METTL4: variants seen among roughly 807,000 people sequenced by gnomAD.
METTL4 encodes the protein methyltransferase 4, N6-adenosine, also known as N(6)-adenine-specific methyltransferase METTL4.
In METTL4, 40 loss-of-function variants were observed where a neutral mutation model predicts 54.0. The ratio of observed to expected loss-of-function variants is 0.74; its 90% CI spans 0.58 to 0.96. The LOEUF (loss-of-function observed/expected upper bound fraction) is 0.96. METTL4 is among the 50% of genes least tolerant of loss of function. METTL4 has a pLI of 0.00. For missense variants in METTL4, 525 were observed against 549.0 expected, an observed-to-expected ratio of 0.96 and a Z score of 0.44; for synonymous variants, 169 against 183.8, an observed-to-expected ratio of 0.92 and a Z score of 0.65.
Position 2,554,908 on chromosome 18 carries a change from C to G in METTL4, c.590G>C (p.Ser197Thr). 1 of 1,614,064 alleles carries G rather than the reference C, an allele frequency of 6.2e-7. No individual in the cohort carries two copies. Among genetic ancestry groups the G allele is most frequent in the Non-Finnish European group, 8.5e-7 (1 of 1,179,946 alleles). ...TGCCATTTCACATAATTCTGACAAA[C>G]TGCAGGCGTCAAGTGGTAAAGTAAT... Reference protein sequence around the residue: ...KPITLPLDACSLSELCEMAKH... With the variant: ...KPITLPLDACTLSELCEMAKH... Residue 197 changes from serine to threonine, a missense_variant, in exon 4 of 9, where the codon AGT (serine) becomes ACT (threonine). Ser to Thr is a moderately conservative substitution (Grantham distance 58, BLOSUM62 1). Coordinates refer to ENST00000574538, the MANE Select transcript of METTL4 (RefSeq NM_022840.5).
At chr18:2,569,503 C>T (rs767416228) in intron 1 of METTL4, among the ~76,000 whole-genome samples, 1 of 151,940 alleles carries the variant, frequency 6.6e-6, no homozygotes, top group Non-Finnish European at 1.5e-5. Flanking sequence ...CCCACCCCCA[C>T]CCACTGCAAC....
chr18:2,556,332 C>T (rs2072238526), intron 3 of METTL4, among the ~76,000 whole-genome samples: 1 of 151,954 alleles, frequency 6.6e-6, no homozygotes, highest in Admixed American at 6.6e-5. Flanking sequence ...AGACCAAAGT[C>T]TGCTCTGATC....
rs540429659 is a variant in METTL4, at chr18:2,550,820, C to T, written c.899+1875G>A. On this transcript the variant is annotated intron_variant, in intron 5 of 8. Coordinates refer to ENST00000574538, the MANE Select transcript of METTL4 (RefSeq NM_022840.5). The stretch of plus-strand genomic sequence containing the variant: ...TTTGCTACAAAGGACATTCCTGGGA[C>T]AATCAGTGTAGCCTGAATAATGTCT... Among the ~76,000 whole-genome samples, 3 of 152,278 alleles carry T rather than the reference C, an allele frequency of 2.0e-5. No individual in the cohort carries two copies. In the South Asian group the frequency reaches 6.2e-4, roughly 32 times the overall value.
Position 2,539,752 on chromosome 18 carries a change from G to A in METTL4, c.1274-607C>T, listed in dbSNP as rs896724308. 5.1e-5 allele frequency: 43 copies of A among 835,128 alleles called. 1 individual carries two copies. In the Admixed American group the frequency reaches 2.3e-3, roughly 45 times the overall value. The allele number at this position is 835,128 out of a possible 1,614,324, so 51.7% of individuals were successfully genotyped here. ...TCGCCTCGGCCTCCCAAAGTGCTAG[G>A]ATTACAGGCAGGAGCCACCGCACCC... On this transcript the variant is annotated intron_variant, in intron 8 of 8. Transcript: ENST00000574538.
At chr18:2,545,746 T>A (rs892757270) in intron 6 of METTL4, among the ~76,000 whole-genome samples, 1 of 152,052 alleles carries the variant, frequency 6.6e-6, no homozygotes, top group Non-Finnish European at 1.5e-5. Flanking sequence ...ACACAGCATA[T>A]CCTACAAAAA....
chr18:2,563,620 A>AG (rs60810009), intron 3 of METTL4, among the ~76,000 whole-genome samples, 177 bp downstream of exon 3: 2 of 150,922 alleles, frequency 1.3e-5, no homozygotes, highest in East Asian at 3.9e-4. Context: ...AAAAAAAAAA[A>AG]GACAAAACTG....
At chr18:2,557,361 A>G (rs1405228552) in intron 3 of METTL4, among the ~76,000 whole-genome samples, 1 of 152,244 alleles carries the variant, frequency 6.6e-6, no homozygotes, top group East Asian at 1.9e-4. Flanking sequence ...GGCCAAGAAT[A>G]GTGCCTGTTT....
intron 8 of METTL4, chr18:2,539,835 TGAAAAA>T (rs2071968359): frequency 1.1e-6 from 1 of 870,648 alleles, no homozygotes; most frequent in Non-Finnish European, 1.3e-6. Flanking sequence ...TAAAAAAAAT[TGAAAAA>T]CAACCCATTT....
chr18:2,567,106 CT>C lies in METTL4; in HGVS notation c.110del (p.Lys37ArgfsTer64), dbSNP rs768570653. On this transcript the variant is annotated frameshift_variant, in exon 2 of 9. Coordinates refer to ENST00000574538, the MANE Select transcript of METTL4 (RefSeq NM_022840.5). LOFTEE classifies it high-confidence loss of function. ...HQHHEPCCRK[K>X]EFTTSVHFES... ...CAAAGTGAACAGAAGTAGTGAACTC[CT>C]TTTTACGGCAACAAGGTTCATGATG... The C allele has an allele frequency of 6.2e-7, 1 of 1,614,152 alleles. No homozygotes were observed.
Position 2,555,091 on chromosome 18 carries a change from T to C in METTL4, c.460-53A>G, listed in dbSNP as rs977477321. Reference sequence around the variant, plus strand: ...AGAACGTTGACATTAAAAAAGAACATTGACTGTGCTTTGAATATCTGAGTT... The same window carrying C: ...AGAACGTTGACATTAAAAAAGAACACTGACTGTGCTTTGAATATCTGAGTT... On this transcript the variant is annotated intron_variant, in intron 3 of 8. Transcript: ENST00000574538. The C allele has an allele frequency of 4.6e-6, 7 of 1,523,500 alleles. No individual in the cohort carries two copies. The South Asian group carries it at 4.7e-5, about 10-fold the overall frequency. 94.4% of individuals were successfully genotyped at this position (1,523,500 alleles called of 1,614,324 possible). A position where few individuals can be genotyped will look rare whatever the true frequency, so the allele number is the denominator to read the frequency against.
At chr18:2,555,339 G>A in intron 3 of METTL4, 1 of 326,508 alleles carries the variant, frequency 3.1e-6, no homozygotes, top group Non-Finnish European at 5.7e-6. Flanking sequence ...AAGAAAATGG[G>A]ATTTCTAATC....
intron 6 of METTL4, 126 bp from the exon 7 acceptor site, chr18:2,544,885 T>C: frequency 1.9e-6 from 1 of 518,322 alleles, no homozygotes; most frequent in Non-Finnish European, 3.4e-6. Flanking sequence ...TGAGCCACAT[T>C]TATCATTTTA....
In METTL4 at chr18:2,549,819, TAAAAAAAAAAAAA is replaced by T. The variant is rs397758263; in HGVS notation, c.900-2303_900-2291del. Among the ~76,000 whole-genome samples the T allele has an allele frequency of 1.7e-3, 133 of 79,082 alleles. 1 individual carries two copies. The highest frequency in any genetic ancestry group is 3.3e-3 in the East Asian group (8 of 2,406). The allele number at this position is 79,082 out of a possible 152,430, so 51.9% of individuals were successfully genotyped here. A position where few individuals can be genotyped will look rare whatever the true frequency, so the allele number is the denominator to read the frequency against. ...CAACATAGTGAAACCCCATCTCTACTAAAAAAAAAAAAAAAAAAAAAAAAATTAGCCGGGTGTG... is the reference window on the plus strand; with the variant it reads ...CAACATAGTGAAACCCCATCTCTACTAAAAAAAAAAAATTAGCCGGGTGTG... On this transcript the variant is annotated intron_variant, in intron 5 of 8. Coordinates refer to ENST00000574538, the MANE Select transcript of METTL4 (RefSeq NM_022840.5).
At position 2,569,505 on chromosome 18, in the gene METTL4, C is replaced by T. The variant is rs528160947; in HGVS notation, c.-439+1644G>A. Among the ~76,000 whole-genome samples, 3 of 152,186 alleles carry T rather than the reference C, an allele frequency of 2.0e-5. No homozygotes were observed. In the East Asian group the frequency reaches 5.8e-4, roughly 30 times the overall value. Reference sequence around the variant, plus strand: ...GCTCTCCCTTCCTCCCACCCCCACCCACTGCAACAGCCCTCTAGCCTGGGA... The same window carrying T: ...GCTCTCCCTTCCTCCCACCCCCACCTACTGCAACAGCCCTCTAGCCTGGGA... On this transcript the variant is annotated intron_variant, in intron 1 of 8. Coordinates refer to ENST00000574538, the MANE Select transcript of METTL4 (RefSeq NM_022840.5).
At chr18:2,541,043 C>A (rs927126344) in intron 8 of METTL4, among the ~76,000 whole-genome samples, 6 of 152,108 alleles carry the variant, frequency 3.9e-5, no homozygotes, top group Non-Finnish European at 5.9e-5. Flanking sequence ...TACATACAAC[C>A]TAAACCCATT....
At chr18:2,566,090 TA>T (rs1462096860) in intron 2 of METTL4, among the ~76,000 whole-genome samples, 1 of 146,898 alleles carries the variant, frequency 6.8e-6, no homozygotes, top group South Asian at 2.1e-4. Context: ...AATAAATAAA[TA>T]AAATAAACAA....
At chr18:2,570,763 C>A (rs764936152) in intron 1 of METTL4, among the ~76,000 whole-genome samples, 9 of 152,096 alleles carry the variant, frequency 5.9e-5, no homozygotes, top group Non-Finnish European at 1.2e-4. Flanking sequence ...AAAATAACAA[C>A]GCTAGTTAAT....
intron 8 of METTL4, chr18:2,540,321 A>G: frequency 1.0e-6 from 1 of 983,914 alleles, no homozygotes; most frequent in Non-Finnish European, 1.2e-6. Context: ...ATCACTAGAA[A>G]AGGTAAAATA....
In METTL4 at chr18:2,547,501, G is replaced by T. The variant is rs2677879; in HGVS notation, c.928C>A (p.Gln310Lys). ...GCCAATTTAGGGATAGGTATTTGCT[G>T]TATTTGCAGGGGTGACAAATAACTG... ...RYSYLSPLQI[Q>K]QIPIPKLAAP... is the part of the protein sequence containing the mutation. The change falls in exon 6 of 9, where the codon CAG becomes AAG. Residue 310 changes from glutamine to lysine, a missense_variant. Coordinates refer to ENST00000574538, the MANE Select transcript of METTL4 (RefSeq NM_022840.5). 0.62 allele frequency: 982,555 copies of T among 1,594,982 alleles called. 307,337 individuals are homozygous for T. Among genetic ancestry groups the T allele is most frequent in the African/African-American group, 0.8 (59,328 of 73,908 alleles).
Sources: gnomAD v4.1 joint callset for allele counts (sites outside exome capture counted in the v4.1 genomes callset) on GRCh38, gnomAD v4.1.1 for gene constraint, MANE v1.5 for transcripts, NCBI Gene and HGNC (gene_info 2026-07-23, HGNC 2026-07-21) for gene names.